Variants in CDH13 observed in about 807,000 individuals in gnomAD.
CDH13 encodes cadherin 13, also known as cadherin-13.
A neutral mutation model predicts 63.8 loss-of-function variants in CDH13; 24 were observed. That is an observed-to-expected ratio of 0.38 (90% CI 0.27 to 0.53). The LOEUF is 0.53. Ranked by LOEUF, CDH13 falls within the 20% of genes least tolerant of loss-of-function variation. The pLI, the probability that CDH13 is intolerant of heterozygous loss-of-function variation, is 0.85. For synonymous variants in CDH13, 503 were observed against 355.3 expected, an observed-to-expected ratio of 1.42 and a Z score of -4.67; for missense variants, 1,049 against 903.1, an observed-to-expected ratio of 1.16 and a Z score of -2.07.
At chr16:82,999,868 C>T (rs1002671404) in intron 2 of CDH13, among the ~76,000 whole-genome samples, 3 of 152,010 alleles carry the variant, frequency 2.0e-5, no homozygotes, top group African/African-American at 7.3e-5. Flanking sequence ...AGAGTGTGCA[C>T]CAGTAGCTCT....
At chr16:82,811,049 C>T (rs766542935) in intron 1 of CDH13, among the ~76,000 whole-genome samples, 2 of 152,142 alleles carry the variant, frequency 1.3e-5, no homozygotes, top group African/African-American at 4.8e-5. Context: ...TTTTAAATTA[C>T]GATATAAGCT....
intron 2 of CDH13, among the ~76,000 whole-genome samples, chr16:83,017,296 C>G (rs145407968): frequency 3.9e-5 from 6 of 152,278 alleles, no homozygotes; most frequent in South Asian, 2.1e-4. Context: ...TTACTGACTT[C>G]AAGATTCTAC....
At chr16:82,710,756 T>C (rs2031875784) in intron 1 of CDH13, among the ~76,000 whole-genome samples, 2 of 146,944 alleles carry the variant, frequency 1.4e-5, no homozygotes, top group African/African-American at 4.9e-5. Context: ...ATTTGTATAT[T>C]TATAAAATAT....
chr16:82,949,077 A>G (rs928314967), intron 2 of CDH13, among the ~76,000 whole-genome samples: 1 of 152,190 alleles, frequency 6.6e-6, no homozygotes, highest in Non-Finnish European at 1.5e-5. Flanking sequence ...GATATTTTGA[A>G]TGAGGGGATG....
At chr16:83,104,470 A>T (rs901610427) in intron 3 of CDH13, among the ~76,000 whole-genome samples, 3 of 152,316 alleles carry the variant, frequency 2.0e-5, no homozygotes, top group South Asian at 4.1e-4. Context: ...TTGGGACTTC[A>T]CTAAAGAGAG....
At chr16:83,717,892 C>T (rs1348627511) in intron 10 of CDH13, 2 of 152,234 alleles carry the variant, frequency 1.3e-5, no homozygotes, top group African/African-American at 2.4e-5. Flanking sequence ...CTTGCCTCTC[C>T]TGTTGTTGAG....
At chr16:83,498,394 C>T (rs948954050) in intron 7 of CDH13, among the ~76,000 whole-genome samples, 1 of 152,196 alleles carries the variant, frequency 6.6e-6, no homozygotes, top group Non-Finnish European at 1.5e-5. Flanking sequence ...CAAAAAGACA[C>T]TCTGGACCAG....
At chr16:83,735,000 CAA>C (rs34189850) in intron 10 of CDH13, among the ~76,000 whole-genome samples, 2 of 143,400 alleles carry the variant, frequency 1.4e-5, no homozygotes. Flanking sequence ...TGTGGTTATT[CAA>C]AAAAAAAAAA....
intron 6 of CDH13, among the ~76,000 whole-genome samples, chr16:83,391,932 C>T (rs1280261492): frequency 6.6e-6 from 1 of 151,798 alleles, no homozygotes; most frequent in Non-Finnish European, 1.5e-5. Context: ...TTTTTTTTCT[C>T]CCCCACCCAA....
intron 5 of CDH13, among the ~76,000 whole-genome samples, chr16:83,304,116 G>A (rs2089818640): frequency 6.6e-6 from 1 of 152,200 alleles, no homozygotes; most frequent in Admixed American, 6.5e-5. Flanking sequence ...GGGTAGCGCA[G>A]AGTCCAAACT....
At chr16:83,530,126 G>C (rs911104400) in intron 7 of CDH13, among the ~76,000 whole-genome samples, 1 of 152,178 alleles carries the variant, frequency 6.6e-6, no homozygotes. Flanking sequence ...GCTGGCCCTT[G>C]AAGAGGTTCA....
intron 1 of CDH13, among the ~76,000 whole-genome samples, chr16:82,770,293 A>C (rs1217232881): frequency 1.3e-5 from 2 of 152,248 alleles, no homozygotes; most frequent in African/African-American, 4.8e-5. Context: ...TTGTTACCCA[A>C]CCAATCAGAA....
intron 1 of CDH13, among the ~76,000 whole-genome samples, chr16:82,692,436 C>G (rs771521767): frequency 3.0e-4 from 46 of 152,186 alleles, no homozygotes; most frequent in Non-Finnish European, 4.4e-4. Flanking sequence ...TTTTGCATGG[C>G]TGCAGGCAAG....
chr16:82,645,910 G>T (rs934574831), intron 1 of CDH13, among the ~76,000 whole-genome samples: 29 of 152,256 alleles, frequency 1.9e-4, no homozygotes, highest in African/African-American at 5.5e-4. Flanking sequence ...AGACGAGATT[G>T]CTGAGTTAGA....
intron 3 of CDH13, among the ~76,000 whole-genome samples, chr16:83,089,033 AC>A (rs1345667002): frequency 5.3e-5 from 8 of 152,232 alleles, no homozygotes; most frequent in Non-Finnish European, 1.2e-4. Context: ...TAAAATATTT[AC>A]TACCTGGTTC....
chr16:82,897,774 C>G (rs979279193), intron 2 of CDH13, among the ~76,000 whole-genome samples: 1 of 152,262 alleles, frequency 6.6e-6, no homozygotes, highest in Non-Finnish European at 1.5e-5. Flanking sequence ...GGGGAAATAG[C>G]AATGAATCCT....
intron 4 of CDH13, among the ~76,000 whole-genome samples, chr16:83,156,866 T>C (rs2037228351): frequency 6.6e-6 from 1 of 152,174 alleles, no homozygotes. Flanking sequence ...ATCTCTCTGA[T>C]CCGGAAGGCG....
intron 3 of CDH13, among the ~76,000 whole-genome samples, chr16:83,048,408 C>T (rs760603750): frequency 1.2e-4 from 18 of 152,154 alleles, no homozygotes; most frequent in Non-Finnish European, 2.4e-4. Context: ...ATTCACGCTC[C>T]TGGACCTGTG....
intron 11 of CDH13, among the ~76,000 whole-genome samples, chr16:83,773,982 C>G (rs1200269377): frequency 3.9e-5 from 6 of 152,196 alleles, no homozygotes; most frequent in Admixed American, 1.3e-4. Context: ...GACGAGGCCT[C>G]AGCTCTGGGG....
Sources: gnomAD v4.1 joint callset for allele counts (sites outside exome capture counted in the v4.1 genomes callset) on GRCh38, gnomAD v4.1.1 for gene constraint, MANE v1.5 for transcripts, NCBI Gene and HGNC (gene_info 2026-07-23, HGNC 2026-07-21) for gene names.